PLCXD3: variants seen among roughly 807,000 people sequenced by gnomAD.
The protein encoded by PLCXD3 is phosphatidylinositol specific phospholipase C X domain containing 3.
Under a neutral mutation model 25.5 loss-of-function variants are expected in PLCXD3, and 19 were observed. The ratio of observed to expected loss-of-function variants is 0.75; its 90% confidence interval spans 0.52 to 1.09. The LOEUF (loss-of-function observed/expected upper bound fraction) is 1.09. PLCXD3 is among the 50% of genes least tolerant of loss of function. The pLI, the probability that PLCXD3 is intolerant of heterozygous loss-of-function variation, is 0.00. For synonymous variants in PLCXD3, 174 were observed against 137.6 expected, an observed-to-expected ratio of 1.26 and a Z score of -1.85; for missense variants, 411 against 388.1, an observed-to-expected ratio of 1.06 and a Z score of -0.50.
At chr5:41,445,521 T>C (rs1747473738) in intron 1 of PLCXD3, among the ~76,000 whole-genome samples, 1 of 152,124 alleles carries the variant, frequency 6.6e-6, no homozygotes, top group African/African-American at 2.4e-5. Flanking sequence ...TGCCACCAAT[T>C]CTCCTCACTA....
intron 1 of PLCXD3, among the ~76,000 whole-genome samples, chr5:41,413,819 T>A (rs1580360629): frequency 6.6e-6 from 1 of 151,776 alleles, no homozygotes; most frequent in Non-Finnish European, 1.5e-5. Context: ...CAAACTAGAG[T>A]TTAAAAAAAA....
chr5:41,354,138 G>T (rs1352010024), intron 2 of PLCXD3, among the ~76,000 whole-genome samples: 2 of 152,018 alleles, frequency 1.3e-5, no homozygotes, highest in Non-Finnish European at 1.5e-5. Context: ...ATCCTTTATG[G>T]ATTCTAATTA....
At chr5:41,415,728 A>G (rs1220586971) in intron 1 of PLCXD3, among the ~76,000 whole-genome samples, 1 of 152,184 alleles carries the variant, frequency 6.6e-6, no homozygotes. Context: ...TTAGAATAGG[A>G]AGGGATATTA....
intron 1 of PLCXD3, among the ~76,000 whole-genome samples, chr5:41,408,378 T>C (rs2150502281): frequency 6.6e-6 from 1 of 152,274 alleles, no homozygotes; most frequent in East Asian, 1.9e-4. Flanking sequence ...TCTCAGTCTC[T>C]TTTCTGACAC....
intron 2 of PLCXD3, among the ~76,000 whole-genome samples, chr5:41,342,166 T>C (rs1287333874): frequency 6.6e-5 from 10 of 152,210 alleles, no homozygotes; most frequent in Non-Finnish European, 1.2e-4. Flanking sequence ...TATCCTTTAA[T>C]TGATCAAGAT....
chr5:41,342,438 G>T (rs1744178623), intron 2 of PLCXD3, among the ~76,000 whole-genome samples: 1 of 152,060 alleles, frequency 6.6e-6, no homozygotes, highest in Non-Finnish European at 1.5e-5. Flanking sequence ...TATTGACTCT[G>T]TTTCCCAAAC....
chr5:41,376,964 A>G (rs1745314536), intron 2 of PLCXD3, among the ~76,000 whole-genome samples: 1 of 152,140 alleles, frequency 6.6e-6, no homozygotes, highest in Non-Finnish European at 1.5e-5. Context: ...AGTTGCAGTC[A>G]CTTCTTTGGA....
At position 41,417,739 on chromosome 5, in the gene PLCXD3, C is replaced by T. The variant is rs529985399; in HGVS notation, c.104-35205G>A. ...ATGGTATAGGGCTGCGCTGAGCAAA[C>T]CTGGAGGGTAGGACTTTCCCAAGGA... On this transcript the variant is annotated intron_variant, in intron 1 of 2. Transcript: ENST00000377801. 7.9e-5 allele frequency among the ~76,000 whole-genome samples: 12 copies of T among 152,286 alleles called. No homozygotes were observed. In the South Asian group the frequency reaches 2.5e-3, roughly 32 times the overall value.
intron 1 of PLCXD3, among the ~76,000 whole-genome samples, chr5:41,409,845 TAA>T (rs1156586941): frequency 6.6e-6 from 1 of 152,204 alleles, no homozygotes; most frequent in Non-Finnish European, 1.5e-5. Flanking sequence ...GATTATAAAA[TAA>T]GTGATAAGCA....
intron 2 of PLCXD3, among the ~76,000 whole-genome samples, chr5:41,354,216 C>T (rs998727778): frequency 3.3e-5 from 5 of 152,334 alleles, no homozygotes; most frequent in African/African-American, 1.2e-4. Context: ...ACTACTTTTG[C>T]AGCCCGGACT....
intron 1 of PLCXD3, 41 bp from the exon 2 acceptor site, chr5:41,382,575 C>A (rs1397120921): frequency 2.0e-6 from 3 of 1,473,270 alleles, no homozygotes; most frequent in South Asian, 1.3e-5. Context: ...ATTTCCACGT[C>A]TTTGCCCTTC....
At position 41,307,977 on chromosome 5, in the gene PLCXD3, G is replaced by A. The variant is rs960716906; in HGVS notation, c.*5640C>T. ...TTGGACCTCACAACAGGCTGGCAAA[G>A]GGAAGTGTTGAACATGGTGGCATTG... On this transcript the variant is annotated 3_prime_UTR_variant, in exon 3 of 3. Transcript: ENST00000377801. 7 of 152,120 alleles carry A rather than the reference G, an allele frequency of 4.6e-5. No individual in the cohort carries two copies. The highest frequency in any genetic ancestry group is 6.6e-5 in the Admixed American group (1 of 15,252). The allele number at this position is 152,120 out of a possible 1,614,324, so 9.4% of individuals were successfully genotyped here.
At chr5:41,487,568 A>T (rs1301610927) in intron 1 of PLCXD3, among the ~76,000 whole-genome samples, 1 of 152,242 alleles carries the variant, frequency 6.6e-6, no homozygotes, top group Non-Finnish European at 1.5e-5. Flanking sequence ...TAAAGTAGTT[A>T]TTCATAAGCA....
intron 1 of PLCXD3, among the ~76,000 whole-genome samples, chr5:41,500,563 T>G (rs1748930683): frequency 7.1e-6 from 1 of 141,292 alleles, no homozygotes; most frequent in African/African-American, 2.6e-5. Context: ...ATATATTATA[T>G]GCACACACAC....
At chr5:41,370,150 T>C (rs866157102) in intron 2 of PLCXD3, among the ~76,000 whole-genome samples, 5 of 152,172 alleles carry the variant, frequency 3.3e-5, no homozygotes, top group Admixed American at 2.6e-4. Context: ...CAAGATACAA[T>C]TGTGATTTCT....
intron 1 of PLCXD3, among the ~76,000 whole-genome samples, chr5:41,447,172 G>A (rs1747523464): frequency 6.6e-6 from 1 of 152,136 alleles, no homozygotes; most frequent in South Asian, 2.1e-4. Context: ...CCTGATTCAT[G>A]TCTGATTATG....
chr5:41,326,786 A>AT, intron 2 of PLCXD3, among the ~76,000 whole-genome samples: 1 of 152,142 alleles, frequency 6.6e-6, no homozygotes, highest in East Asian at 1.9e-4. Context: ...TTCCATGCCA[A>AT]TTTTTACCAG....
intron 1 of PLCXD3, among the ~76,000 whole-genome samples, chr5:41,484,137 G>A (rs955269884): frequency 6.6e-6 from 1 of 151,876 alleles, no homozygotes; most frequent in Admixed American, 6.6e-5. Context: ...AAACATTAGG[G>A]GTATAGGGGG....
At chr5:41,446,159 G>C (rs567727723) in intron 1 of PLCXD3, among the ~76,000 whole-genome samples, 1 of 100,792 alleles carries the variant, frequency 9.9e-6, no homozygotes, top group Non-Finnish European at 2.0e-5. Flanking sequence ...TCTGGGCGAC[G>C]GAGCCAGACT....
Sources: allele counts gnomAD v4.1 joint callset (sites outside exome capture counted in the v4.1 genomes callset), GRCh38; gene constraint gnomAD v4.1.1; transcripts MANE v1.5; gene names NCBI Gene and HGNC (gene_info 2026-07-23, HGNC 2026-07-21).